The following NT5C2 variants were observed in gnomAD, a reference collection of about 807,000 sequenced individuals.
NT5C2 encodes 5'-nucleotidase, cytosolic II, also known as cytosolic purine 5'-nucleotidase.
Under a neutral mutation model 76.1 loss-of-function variants are expected in NT5C2, and 58 were observed. That is an observed-to-expected ratio of 0.76 (90% CI 0.62 to 0.95). NT5C2 has a LOEUF of 0.95. Among genes scored for constraint, NT5C2 ranks in the 40% least tolerant of loss-of-function variants. The pLI is 0.00. For synonymous variants in NT5C2, 229 were observed against 237.4 expected, an observed-to-expected ratio of 0.96 and a Z score of 0.32; for missense variants, 478 against 690.3, an observed-to-expected ratio of 0.69 and a Z score of 3.45.
At chr10:103,173,255 T>G (rs561123579) in intron 3 of NT5C2, among the ~76,000 whole-genome samples, 136 of 152,298 alleles carry the variant, frequency 8.9e-4, no homozygotes, top group African/African-American at 3.2e-3. Context: ...TAACACACAG[T>G]AGCCAGCAGA....
chr10:103,163,860 C>CAAAAAAAAAA, intron 3 of NT5C2, among the ~76,000 whole-genome samples: 1 of 50,370 alleles, frequency 2.0e-5, no homozygotes, highest in Non-Finnish European at 4.1e-5. Context: ...ACTAAAAATA[C>CAAAAAAAAAA]AAAAAAAAAA....
At chr10:103,188,713 G>A (rs116698413) in intron 1 of NT5C2, among the ~76,000 whole-genome samples, 121 of 152,192 alleles carry the variant, frequency 8.0e-4, no homozygotes, top group African/African-American at 2.6e-3. Context: ...TATAACATAC[G>A]AATTTGGGCT....
In NT5C2 at chr10:103,156,901, C is replaced by A. The variant is rs1301969834; in HGVS notation, c.102-17422G>T. On this transcript the variant is annotated intron_variant, in intron 3 of 18. Transcript: ENST00000404739. ...TGAAATCCCATCTCTACTAAAAATA[C>A]AAAAACTTAACCACGCGTGGTGGCA... 3.4e-5 allele frequency among the ~76,000 whole-genome samples: 5 copies of A among 148,428 alleles called. No homozygotes were observed. The East Asian group carries it at 1.0e-3, about 30-fold the overall frequency.
intron 1 of NT5C2, 21 bp downstream of exon 1, chr10:103,193,215 C>T (rs2092785882): frequency 6.6e-6 from 1 of 152,374 alleles, no homozygotes; most frequent in Non-Finnish European, 1.5e-5. Context: ...CCCGCCCGCC[C>T]ACGGGGCCCG....
intron 18 of NT5C2, 61 bp downstream of exon 18, chr10:103,090,550 A>AG: frequency 6.9e-7 from 1 of 1,445,014 alleles, no homozygotes; most frequent in Non-Finnish European, 9.5e-7. Flanking sequence ...CATCTCACAA[A>AG]GGTGGTTGCT....
chr10:103,105,837 G>T, intron 5 of NT5C2, 36 bp from the exon 6 acceptor site: 2 of 1,378,418 alleles, frequency 1.5e-6, no homozygotes, highest in Non-Finnish European at 2.1e-6. Flanking sequence ...ATAATGCAAA[G>T]TAATACAGGC....
At chr10:103,143,614 T>TG (rs1468823325) in intron 3 of NT5C2, among the ~76,000 whole-genome samples, 41 of 135,362 alleles carry the variant, frequency 3.0e-4, no homozygotes, top group East Asian at 1.4e-3. Flanking sequence ...TTTTTTTTTT[T>TG]TTTTTTTTTT....
chr10:103,180,338 G>C (rs977713093), intron 2 of NT5C2, among the ~76,000 whole-genome samples: 2 of 152,176 alleles, frequency 1.3e-5, no homozygotes, highest in Non-Finnish European at 2.9e-5. Context: ...GGAAAAGTTT[G>C]CCATTTCTTT....
intron 3 of NT5C2, among the ~76,000 whole-genome samples, chr10:103,148,672 A>G (rs1444802464): frequency 1.3e-5 from 2 of 152,118 alleles, no homozygotes; most frequent in Non-Finnish European, 2.9e-5. Context: ...GGCAGCACAC[A>G]CACTAAAAAT....
intron 1 of NT5C2, among the ~76,000 whole-genome samples, chr10:103,187,511 C>G: frequency 7.1e-6 from 1 of 140,418 alleles, no homozygotes; most frequent in Non-Finnish European, 1.5e-5. Context: ...GAGACTGCAC[C>G]AATGCACTTC....
rs145173783 is a variant in NT5C2, at chr10:103,190,753, A to ATAGT, written c.-169+2479_-169+2482dup. ...CACGTCACTCAACATATGCCTTGTG[A>ATAGT]TAGTTAGTATTTTGTGTTAAATGTC... On this transcript the variant is annotated intron_variant, in intron 1 of 18. Coordinates refer to ENST00000404739, the MANE Select transcript of NT5C2 (RefSeq NM_001351169.2). 2.2e-3 allele frequency among the ~76,000 whole-genome samples: 341 copies of ATAGT among 152,316 alleles called. 4 individuals are homozygous for ATAGT. Among genetic ancestry groups the ATAGT allele is most frequent in the African/African-American group, 7.8e-3 (323 of 41,568 alleles).
chr10:103,164,135 C>T (rs1056448503), intron 3 of NT5C2, among the ~76,000 whole-genome samples: 2 of 152,072 alleles, frequency 1.3e-5, no homozygotes, highest in Admixed American at 6.6e-5. Context: ...TTTCTAGCTG[C>T]TTGGAAGGCT....
intron 2 of NT5C2, among the ~76,000 whole-genome samples, chr10:103,178,491 G>A (rs2090436379): frequency 6.6e-6 from 1 of 152,018 alleles, no homozygotes; most frequent in South Asian, 2.1e-4. Context: ...CAGTGAGGCG[G>A]AGGTTGAAGC....
At chr10:103,104,726 G>A (rs1202442525) in intron 6 of NT5C2, among the ~76,000 whole-genome samples, 1 of 152,092 alleles carries the variant, frequency 6.6e-6, no homozygotes, top group Non-Finnish European at 1.5e-5. Flanking sequence ...CAATTCTAAG[G>A]GGCATCCTGT....
chr10:103,167,065 G>C (rs1325202021), intron 3 of NT5C2, among the ~76,000 whole-genome samples: 1 of 149,668 alleles, frequency 6.7e-6, no homozygotes, highest in Admixed American at 6.6e-5. Context: ...ACCCAGGCTG[G>C]AGTGCAGTGG....
At chr10:103,167,370 T>C (rs566447189) in intron 3 of NT5C2, among the ~76,000 whole-genome samples, 1 of 152,268 alleles carries the variant, frequency 6.6e-6, no homozygotes, top group South Asian at 2.1e-4. Flanking sequence ...AGAGGACCTA[T>C]ATTTTCCGCA....
intron 4 of NT5C2, among the ~76,000 whole-genome samples, chr10:103,126,743 G>A (rs544547669): frequency 9.2e-5 from 14 of 152,134 alleles, no homozygotes; most frequent in African/African-American, 2.9e-4. Context: ...ATCTGTACTC[G>A]ACAGACAAAC....
chr10:103,101,276 G>T lies in NT5C2; in HGVS notation c.440C>A (p.Thr147Asn). 6.2e-7 allele frequency: 1 copy of T among 1,609,572 alleles called. No homozygotes were observed. Among genetic ancestry groups the T allele is most frequent in the African/African-American group, 1.3e-5 (1 of 74,956 alleles). The change falls in exon 7 of 19, where the codon ACT (threonine) becomes AAT (asparagine). Residue 147 changes from threonine to asparagine, a missense_variant. Coordinates refer to ENST00000404739, the MANE Select transcript of NT5C2 (RefSeq NM_001351169.2). ...TGTGTTCAGAATGTAAAATCTTTCAGTATCATCTCGCTGGATAAATTTATT... is the reference window on the plus strand; with the variant it reads ...TGTGTTCAGAATGTAAAATCTTTCATTATCATCTCGCTGGATAAATTTATT... ...YPNKFIQRDD[T>N]ERFYILNTLF...
chr10:103,091,705 G>A, intron 15 of NT5C2, 90 bp from the exon 16 acceptor site: 1 of 1,070,876 alleles, frequency 9.3e-7, no homozygotes, highest in Non-Finnish European at 1.4e-6. Context: ...TTGCAGATGT[G>A]ACTGGAAAGT....
Sources: gnomAD v4.1 joint callset for allele counts (sites outside exome capture counted in the v4.1 genomes callset) on GRCh38, gnomAD v4.1.1 for gene constraint, MANE v1.5 for transcripts, NCBI Gene and HGNC (gene_info 2026-07-23, HGNC 2026-07-21) for gene names.